Variants in LYZL4 observed in about 807,000 individuals in gnomAD.
The protein encoded by LYZL4 is lysozyme like 4.
In LYZL4, 13 loss-of-function variants were observed where a neutral mutation model predicts 17.6. The ratio of observed to expected loss-of-function variants is 0.74; its 90% CI spans 0.48 to 1.18. The LOEUF is 1.18. LYZL4 is among the 50% of genes most tolerant of loss of function. The pLI, the probability that LYZL4 is intolerant of heterozygous loss-of-function variation, is 0.00. For synonymous variants in LYZL4, 64 were observed against 67.7 expected, an observed-to-expected ratio of 0.95 and a Z score of 0.27; for missense variants, 174 against 188.2, an observed-to-expected ratio of 0.92 and a Z score of 0.44.
chr3:42,405,917 A>G (rs930223409), intron 3 of LYZL4, among the ~76,000 whole-genome samples: 1 of 152,158 alleles, frequency 6.6e-6, no homozygotes, highest in Non-Finnish European at 1.5e-5. Flanking sequence ...AATACTTATA[A>G]AGGGCTTAAA....
At chr3:42,378,034 G>T in the LYZL4 span, among the ~76,000 whole-genome samples, 1 of 152,194 alleles carries the variant, frequency 6.6e-6, no homozygotes, top group African/African-American at 2.4e-5. Flanking sequence ...GGCCAAGGGG[G>T]TGGGTATGTT....
chr3:42,392,502 C>T (rs1447750023), downstream of LYZL4, among the ~76,000 whole-genome samples: 1 of 152,192 alleles, frequency 6.6e-6, no homozygotes, highest in South Asian at 2.1e-4. Context: ...CACTAGTCAA[C>T]AGGATTTTGT....
chr3:42,369,511 A>C, the LYZL4 span, among the ~76,000 whole-genome samples: 1 of 152,218 alleles, frequency 6.6e-6, no homozygotes, highest in African/African-American at 2.4e-5. Context: ...GAGGAAAATC[A>C]CCAGTTGGAA....
intron 3 of LYZL4, among the ~76,000 whole-genome samples, chr3:42,404,961 C>T (rs1453120847): frequency 6.6e-6 from 1 of 152,138 alleles, no homozygotes; most frequent in Admixed American, 6.5e-5. Flanking sequence ...ATTTTATATA[C>T]ATTATTCCAT....
chr3:42,406,214 G>A (rs1208784865), intron 3 of LYZL4, among the ~76,000 whole-genome samples: 5 of 152,144 alleles, frequency 3.3e-5, no homozygotes, highest in African/African-American at 1.2e-4. Flanking sequence ...AGCACTTTGG[G>A]AGGCCGAGAC....
At chr3:42,396,439 T>A (rs1577149629), downstream of LYZL4, among the ~76,000 whole-genome samples, 1 of 152,228 alleles carries the variant, frequency 6.6e-6, no homozygotes, top group Non-Finnish European at 1.5e-5. Flanking sequence ...CACTAAGCTT[T>A]TAAAATAAGC....
At chr3:42,391,585 T>C in the LYZL4 span, among the ~76,000 whole-genome samples, 2 of 152,178 alleles carry the variant, frequency 1.3e-5, no homozygotes, top group South Asian at 4.1e-4. Flanking sequence ...ATAATACTTA[T>C]AATAAACATG....
chr3:42,408,622 C>A (rs1698807123), intron 1 of LYZL4, among the ~76,000 whole-genome samples: 1 of 152,156 alleles, frequency 6.6e-6, no homozygotes, highest in Admixed American at 6.5e-5. Context: ...CTAGAATGTG[C>A]AATTGGAAAT....
intron 4 of LYZL4, among the ~76,000 whole-genome samples, chr3:42,398,451 A>C (rs1052879684): frequency 6.6e-6 from 1 of 152,240 alleles, no homozygotes; most frequent in Admixed American, 6.5e-5. Flanking sequence ...AACTCGGACC[A>C]TATATGAAAG....
chr3:42,361,906 C>A, the LYZL4 span, among the ~76,000 whole-genome samples: 1 of 152,194 alleles, frequency 6.6e-6, no homozygotes, highest in African/African-American at 2.4e-5. Flanking sequence ...TGAACCTATA[C>A]TGACACACCA....
chr3:42,390,398 C>T, the LYZL4 span, among the ~76,000 whole-genome samples: 1 of 152,174 alleles, frequency 6.6e-6, no homozygotes, highest in South Asian at 2.1e-4. Flanking sequence ...ATGTTCTCAA[C>T]AACAACGATT....
At chr3:42,381,516 C>T in the LYZL4 span, among the ~76,000 whole-genome samples, 3 of 152,046 alleles carry the variant, frequency 2.0e-5, no homozygotes, top group South Asian at 2.1e-4. Flanking sequence ...ATCCTGAACT[C>T]GGAAAAAAGC....
rs768389098 is a variant in LYZL4, at chr3:42,407,193, T to A, written c.59A>T (p.Tyr20Phe). 8 of 1,613,990 alleles carry A rather than the reference T, an allele frequency of 5.0e-6. No individual in the cohort carries two copies. The African/African-American group carries it at 9.3e-5, about 19-fold the overall frequency. The change falls in exon 2 of 5, where the codon TAC (tyrosine) becomes TTC (phenylalanine). Residue 20 changes from tyrosine (Y) to phenylalanine (F), a missense_variant. Physicochemically the swap from Tyr to Phe is conservative, Grantham distance 22. Coordinates refer to ENST00000287748, the MANE Select transcript of LYZL4 (RefSeq NM_144634.4). ...AGCCACTGTGCAACGCCCCAAGATG[T>A]AAGCACCACTTGGAACCACCAGGTA... Reference protein sequence around the residue: ...LGYLVVPSGAYILGRCTVAKK... With the variant: ...LGYLVVPSGAFILGRCTVAKK...
intron 4 of LYZL4, among the ~76,000 whole-genome samples, chr3:42,398,647 A>G (rs1343099933): frequency 2.0e-5 from 3 of 152,236 alleles, no homozygotes; most frequent in African/African-American, 7.2e-5. Flanking sequence ...AAATTCCAAG[A>G]AGGCCAAAAT....
rs866794828 is a variant in LYZL4 at position 42,400,389 on chromosome 3, T to G, written c.372-3055A>C. 3.3e-5 allele frequency among the ~76,000 whole-genome samples: 5 copies of G among 152,356 alleles called. No homozygotes were observed. The Middle Eastern group carries it at 0.01, about 311-fold the overall frequency. On this transcript the variant is annotated intron_variant, in intron 4 of 4. Transcript: ENST00000287748. The stretch of plus-strand genomic sequence containing the variant: ...GCTTGGAATAGCACAGATCCAGGAT[T>G]GATCATATTGCTGTGGCCACGAGTA...
chr3:42,387,548 G>C, the LYZL4 span, among the ~76,000 whole-genome samples: 55 of 152,164 alleles, frequency 3.6e-4, no homozygotes, highest in East Asian at 9.7e-3. Context: ...CCGTCCCTTG[G>C]TGCTCCACAT....
the LYZL4 span, among the ~76,000 whole-genome samples, chr3:42,386,518 C>T: frequency 6.6e-6 from 1 of 150,904 alleles, no homozygotes; most frequent in African/African-American, 2.4e-5. Context: ...TCAAAGCCCC[C>T]CTTTTTTTCC....
At chr3:42,369,262 C>T in the LYZL4 span, among the ~76,000 whole-genome samples, 1 of 152,300 alleles carries the variant, frequency 6.6e-6, no homozygotes, top group African/African-American at 2.4e-5. Flanking sequence ...TTAAATATAT[C>T]CTACTGGTCT....
chr3:42,395,372 G>T (rs113699644), downstream of LYZL4, among the ~76,000 whole-genome samples: 1 of 152,112 alleles, frequency 6.6e-6, no homozygotes, highest in Non-Finnish European at 1.5e-5. Context: ...AAGCTGTGCC[G>T]TTGTTAAAAA....
Sources: allele counts gnomAD v4.1 joint callset (sites outside exome capture counted in the v4.1 genomes callset), GRCh38; gene constraint gnomAD v4.1.1; transcripts MANE v1.5; gene names NCBI Gene and HGNC (gene_info 2026-07-23, HGNC 2026-07-21).